The following ZIC5 variants were observed in gnomAD, a reference collection of about 807,000 sequenced individuals.
ZIC5 encodes the protein zinc finger protein ZIC 5.
A neutral mutation model predicts 28.5 loss-of-function variants in ZIC5; 20 were observed. That is an observed-to-expected ratio of 0.70 (90% CI 0.49 to 1.02). ZIC5 has a LOEUF of 1.02. Ranked by LOEUF, ZIC5 falls within the 50% of genes least tolerant of loss-of-function variation. The pLI is 0.00. For synonymous variants in ZIC5, 488 were observed against 410.4 expected (o/e 1.19, Z -2.29); for missense variants, 951 against 899.7 (o/e 1.06, Z -0.73).
chr13:99,965,269 T>C lies in ZIC5; in HGVS notation c.*108A>G. ...AATAAATAGGGCTAATTAGACCCGG[T>C]GGCAAGTCTGAGTCACGGGTTTGTC... is the stretch of plus-strand genomic sequence containing the variant. On this transcript the variant is annotated 3_prime_UTR_variant, in exon 2 of 2. Transcript: ENST00000267294. 9.9e-7 allele frequency: 1 copy of C among 1,005,126 alleles called. No individual in the cohort carries two copies. The highest frequency in any genetic ancestry group is 2.7e-5 in the East Asian group (1 of 37,416). 62.3% of individuals were successfully genotyped at this position (1,005,126 alleles called of 1,614,324 possible). A position where few individuals can be genotyped will look rare whatever the true frequency, so the allele number is the denominator to read the frequency against.
Position 99,970,481 on chromosome 13 carries a change from T to A in ZIC5, c.1123A>T (p.Lys375Ter). The change falls in exon 1 of 2, where the codon AAG becomes TAG. Residue 375 changes from lysine (K) to a stop codon, truncating the protein, a stop_gained. Transcript: ENST00000267294. LOFTEE classifies it high-confidence loss of function. Reference sequence around the variant, plus strand: ...GCCAGCTCGTCGGGGTCGATCCACTTGCAGATGAGCTCCTGCTTGATTGGC... The same window carrying A: ...GCCAGCTCGTCGGGGTCGATCCACTAGCAGATGAGCTCCTGCTTGATTGGC... ...RQPIKQELIC[K>*]WIDPDELAGL... 1.8e-6 allele frequency: 2 copies of A among 1,120,394 alleles called. No homozygotes were observed. The highest frequency in any genetic ancestry group is 2.2e-6 in the Non-Finnish European group (2 of 911,558). The allele number at this position is 1,120,394 out of a possible 1,614,324, so 69.4% of individuals were successfully genotyped here.
At position 99,971,371 on chromosome 13, in the gene ZIC5, A is replaced by G; in HGVS notation, c.233T>C (p.Leu78Pro). 6.8e-7 allele frequency: 1 copy of G among 1,469,054 alleles called. No individual in the cohort carries two copies. Among genetic ancestry groups the G allele is most frequent in the Non-Finnish European group, 8.9e-7 (1 of 1,121,514 alleles). 91.0% of individuals were successfully genotyped at this position (1,469,054 alleles called of 1,614,324 possible). The change falls in exon 1 of 2, where the codon CTG becomes CCG. Residue 78 changes from leucine to proline, a missense_variant. Physicochemically the swap from Leu to Pro is moderately conservative, Grantham distance 98. Around this residue, in one of 3 missense-constraint regions of ZIC5, gnomAD observed 784 missense variants for 660.1 expected, o/e 1.19. Coordinates refer to ENST00000267294, the MANE Select transcript of ZIC5 (RefSeq NM_033132.5). ...GPEHMAQAST[L>P]GLSPPSQAFP... ...CGCCTGGGAGGGAGGGCTGAGGCCC[A>G]GCGTGCTCGCCTGGGCCATGTGCTC...
In ZIC5 at chr13:99,965,634, G is replaced by C; in HGVS notation, c.1663C>G (p.Pro555Ala). The C allele has an allele frequency of 3.7e-6, 6 of 1,614,182 alleles. No homozygotes were observed. Among genetic ancestry groups the C allele is most frequent in the Non-Finnish European group, 4.2e-6 (5 of 1,180,016 alleles). The change falls in exon 2 of 2, where the codon CCG becomes GCG. Residue 555 changes from proline to alanine, a missense_variant. Physicochemically the swap from Pro to Ala is conservative, Grantham distance 27 (BLOSUM62 -1). Coordinates refer to ENST00000267294, the MANE Select transcript of ZIC5 (RefSeq NM_033132.5). ...CCAAGGGGTCCTGGAGAAGGTGGCG[G>C]GGACTTGCAGTGAATCTTCATGTGC... is the stretch of plus-strand genomic sequence containing the variant. ...RKHMKIHCKS[P>A]PPSPGPLGYS...
chr13:99,970,378 T>C lies in ZIC5; in HGVS notation c.1226A>G (p.Lys409Arg). 2 of 1,544,846 alleles carry C rather than the reference T, an allele frequency of 1.3e-6. No individual in the cohort carries two copies. Among genetic ancestry groups the C allele is most frequent in the Non-Finnish European group, 1.7e-6 (2 of 1,148,630 alleles). Residue 409 changes from lysine to arginine, a missense_variant, in exon 1 of 2, where the codon AAA becomes AGA. Transcript: ENST00000267294. ...CAGCTCGTGCATGGTGCCGAAAGTT[T>C]TGGAGCAGGGCTTGGCGCCGCCGGC... ...PPAGGAKPCSKTFGTMHELVN... is the reference protein window; with the variant it reads ...PPAGGAKPCSRTFGTMHELVN...
chr13:99,966,661 TC>T (rs1275293776), intron 1 of ZIC5, among the ~76,000 whole-genome samples: 4 of 152,074 alleles, frequency 2.6e-5, no homozygotes, highest in African/African-American at 9.7e-5. Context: ...CTCTCACAGC[TC>T]CCTACATTGC....
At chr13:99,965,967 A>C in intron 1 of ZIC5, 148 bp from the exon 2 acceptor site, 1 of 919,406 alleles carries the variant, frequency 1.1e-6, no homozygotes, top group Non-Finnish European at 1.6e-6. Context: ...ACAAAAGGGA[A>C]GGGATGCTTC....
chr13:99,966,664 C>T (rs2053102590), intron 1 of ZIC5, among the ~76,000 whole-genome samples: 1 of 152,152 alleles, frequency 6.6e-6, no homozygotes, highest in South Asian at 2.1e-4. Context: ...TCACAGCTCC[C>T]TACATTGCTT....
At position 99,970,407 on chromosome 13, in the gene ZIC5, GGGCGGT is replaced by G. The variant is rs1555331221; in HGVS notation, c.1191_1196del (p.Pro399_Pro400del). ...AGCAGGGCTTGGCGCCGCCGGCCGG[GGGCGGT>G]GGCGGCGGCGGCGGCGGCGGCGGCG... On this transcript the variant is annotated inframe_deletion, in exon 1 of 2. Transcript: ENST00000267294. 1.0e-5 allele frequency: 12 copies of G among 1,192,680 alleles called. No individual in the cohort carries two copies. Among genetic ancestry groups the G allele is most frequent in the Middle Eastern group, 2.6e-4 (1 of 3,820 alleles). 73.9% of individuals were successfully genotyped at this position (1,192,680 alleles called of 1,614,324 possible).
At position 99,964,123 on chromosome 13, in the gene ZIC5, A is replaced by T. The variant is rs1465808239; in HGVS notation, c.*1254T>A. On this transcript the variant is annotated 3_prime_UTR_variant, in exon 2 of 2. Transcript: ENST00000267294. The stretch of plus-strand genomic sequence containing the variant: ...GGTGGTAACTATAAACCTTTTAAAA[A>T]TTTTTAATATGTATGGCAACTCCCT... 6.6e-6 allele frequency: 1 copy of T among 152,418 alleles called. No individual in the cohort carries two copies. The highest frequency in any genetic ancestry group is 1.5e-5 in the Non-Finnish European group (1 of 68,034). 9.4% of individuals were successfully genotyped at this position (152,418 alleles called of 1,614,324 possible).
chr13:99,966,383 GGA>G (rs1389154127), intron 1 of ZIC5, among the ~76,000 whole-genome samples: 3 of 152,168 alleles, frequency 2.0e-5, no homozygotes, highest in African/African-American at 4.8e-5. Context: ...AGGGGCATCA[GGA>G]GAGAACGTGG....
In ZIC5 at chr13:99,970,472, C is replaced by A; in HGVS notation, c.1132G>T (p.Asp378Tyr). Reference sequence around the variant, plus strand: ...GGCAGCCCGGCCAGCTCGTCGGGGTCGATCCACTTGCAGATGAGCTCCTGC... The same window carrying A: ...GGCAGCCCGGCCAGCTCGTCGGGGTAGATCCACTTGCAGATGAGCTCCTGC... ...IKQELICKWI[D>Y]PDELAGLPPP... Residue 378 changes from aspartate (D) to tyrosine (Y), a missense_variant, in exon 1 of 2, where the codon GAC becomes TAC. Physicochemically the swap from Asp to Tyr is radical, Grantham distance 160. Coordinates refer to ENST00000267294, the MANE Select transcript of ZIC5 (RefSeq NM_033132.5). 4.5e-6 allele frequency: 5 copies of A among 1,111,634 alleles called. No individual in the cohort carries two copies. Among genetic ancestry groups the A allele is most frequent in the Non-Finnish European group, 5.5e-6 (5 of 907,422 alleles). The allele number at this position is 1,111,634 out of a possible 1,614,324, so 68.9% of individuals were successfully genotyped here.
Position 99,970,802 on chromosome 13 carries a change from C to A in ZIC5, c.802G>T (p.Ala268Ser). The part of the protein sequence containing the change: ...RLGLAAAAAA[A>S]AAELYGRAEP... ...GCGCGGCCGTACAGCTCAGCCGCCG[C>A]GGCTGCCGCTGCCGCCGCCAGCCCC... Residue 268 changes from alanine to serine, a missense_variant, in exon 1 of 2, where the codon GCG (alanine) becomes TCG (serine). By Grantham distance (99) the Ala-to-Ser change is moderately conservative (BLOSUM62 1). Around this residue, in one of 3 missense-constraint regions of ZIC5, gnomAD observed 784 missense variants for 660.1 expected, o/e 1.19. Transcript: ENST00000267294. The A allele has an allele frequency of 1.7e-6, 2 of 1,201,104 alleles. No individual in the cohort carries two copies. Among genetic ancestry groups the A allele is most frequent in the Non-Finnish European group, 1.0e-6 (1 of 972,642 alleles). The allele number at this position is 1,201,104 out of a possible 1,614,324, so 74.4% of individuals were successfully genotyped here.
In ZIC5 at chr13:99,971,547, T is replaced by A; in HGVS notation, c.57A>T (p.Ala19=). The A allele has an allele frequency of 6.4e-7, 1 of 1,552,468 alleles. No individual in the cohort carries two copies. Among genetic ancestry groups the A allele is most frequent in the Non-Finnish European group, 8.7e-7 (1 of 1,147,314 alleles). ...NPPALRLADL[A]TAQVQPLQNM... The stretch of plus-strand genomic sequence containing the variant: ...TCTGAAGCGGCTGGACCTGAGCCGT[T>A]GCCAAATCCGCTAATCTCAGCGCTG... Residue 19 remains alanine (A), a synonymous_variant, in exon 1 of 2, where the codon GCA becomes GCT. Transcript: ENST00000267294.
intron 1 of ZIC5, among the ~76,000 whole-genome samples, chr13:99,969,192 A>G (rs941132530): frequency 6.6e-6 from 1 of 152,116 alleles, no homozygotes; most frequent in African/African-American, 2.4e-5. Flanking sequence ...TGGGATCCCC[A>G]GAGGCAGGGC....
At position 99,970,946 on chromosome 13, in the gene ZIC5, C is replaced by T. The variant is rs1392456907; in HGVS notation, c.658G>A (p.Ala220Thr). Residue 220 changes from alanine (A) to threonine (T), a missense_variant, in exon 1 of 2, where the codon GCC (alanine) becomes ACC (threonine). Physicochemically the swap from Ala to Thr is moderately conservative, Grantham distance 58. Transcript: ENST00000267294. ...TCCGGGCCCGCGTAGGTGCCGCTGG[C>T]GGAGATGAACATGCCGGCCGAGTGG... ...PPHSAGMFIS[A>T]SGTYAGPDGS... 1 of 1,393,804 alleles carries T rather than the reference C, an allele frequency of 7.2e-7. No individual in the cohort carries two copies. The highest frequency in any genetic ancestry group is 9.2e-7 in the Non-Finnish European group (1 of 1,085,040). 86.3% of individuals were successfully genotyped at this position (1,393,804 alleles called of 1,614,324 possible).
In ZIC5 at chr13:99,967,615, G is replaced by A. The variant is rs532004169; in HGVS notation, c.1478-1796C>T. On this transcript the variant is annotated intron_variant, in intron 1 of 1. Coordinates refer to ENST00000267294, the MANE Select transcript of ZIC5 (RefSeq NM_033132.5). Reference sequence around the variant, plus strand: ...AAGGTGCAATGCTGTTTTTGAGCATGGTCGTTTCTGTTCAACCTACATATC... The same window carrying A: ...AAGGTGCAATGCTGTTTTTGAGCATAGTCGTTTCTGTTCAACCTACATATC... 3.9e-5 allele frequency among the ~76,000 whole-genome samples: 6 copies of A among 152,306 alleles called. No individual in the cohort carries two copies. The South Asian group carries it at 1.2e-3, about 32-fold the overall frequency.
rs2053069692 is a variant in ZIC5 at position 99,963,135 on chromosome 13, G to C, written c.*2242C>G. 1 of 152,374 alleles carries C rather than the reference G, an allele frequency of 6.6e-6. No homozygotes were observed. Among genetic ancestry groups the C allele is most frequent in the Admixed American group, 6.6e-5 (1 of 15,266 alleles). The allele number at this position is 152,374 out of a possible 1,614,324, so 9.4% of individuals were successfully genotyped here. Reference sequence around the variant, plus strand: ...AGGTGTATCAAGAACCAATAAATCTGTGGCAAAGAGTTAACCTATGCATGG... The same window carrying C: ...AGGTGTATCAAGAACCAATAAATCTCTGGCAAAGAGTTAACCTATGCATGG... On this transcript the variant is annotated 3_prime_UTR_variant, in exon 2 of 2. Transcript: ENST00000267294.
Position 99,971,718 on chromosome 13 carries a change from T to A in ZIC5, c.-115A>T. 6.5e-7 allele frequency: 1 copy of A among 1,548,356 alleles called. No individual in the cohort carries two copies. Among genetic ancestry groups the A allele is most frequent in the South Asian group, 1.2e-5 (1 of 83,998 alleles). ...TTTAACTTCTTTTGTCCTGGCCTCT[T>A]AACTCTGCTTATTCCTGTTCCCACT... On this transcript the variant is annotated 5_prime_UTR_variant, in exon 1 of 2. Transcript: ENST00000267294.
rs1443296513 is a variant in ZIC5 at position 99,964,681 on chromosome 13, G to A, written c.*696C>T. Reference sequence around the variant, plus strand: ...TTTTAAAATCACACAGTAGGATACTGAAGAAATAATCCTGTATAAAAATAT... The same window carrying A: ...TTTTAAAATCACACAGTAGGATACTAAAGAAATAATCCTGTATAAAAATAT... On this transcript the variant is annotated 3_prime_UTR_variant, in exon 2 of 2. Transcript: ENST00000267294. 2 of 152,530 alleles carry A rather than the reference G, an allele frequency of 1.3e-5. No homozygotes were observed. Among genetic ancestry groups the A allele is most frequent in the African/African-American group, 2.4e-5 (1 of 41,426 alleles). 9.4% of individuals were successfully genotyped at this position (152,530 alleles called of 1,614,324 possible).
Sources: allele counts gnomAD v4.1 joint callset (sites outside exome capture counted in the v4.1 genomes callset), GRCh38; gene constraint gnomAD v4.1.1; regional missense constraint gnomAD v4.1.1; transcripts MANE v1.5; gene names NCBI Gene and HGNC (gene_info 2026-07-23, HGNC 2026-07-21).